Variants in SACS observed in about 807,000 individuals in gnomAD.
SACS encodes sacsin molecular chaperone, also known as sacsin.
In SACS, 197 loss-of-function variants were observed where a neutral mutation model predicts 348.0. That is an observed-to-expected ratio of 0.57 (90% CI 0.50 to 0.64). The LOEUF is 0.64. Ranked by LOEUF, SACS falls within the 30% of genes least tolerant of loss-of-function variation. The pLI, the probability that SACS is intolerant of heterozygous loss-of-function variation, is 0.00. For missense variants in SACS, 4,999 were observed against 5,360.8 expected (o/e 0.93, Z 2.11); for synonymous variants, 1,985 against 1,910.6 (o/e 1.04, Z -1.02).
In SACS at chr13:23,355,142, G is replaced by A; in HGVS notation, c.1470C>T (p.Ala490=). 1 of 1,614,162 alleles carries A rather than the reference G, an allele frequency of 6.2e-7. No individual in the cohort carries two copies. The highest frequency in any genetic ancestry group is 8.5e-7 in the Non-Finnish European group (1 of 1,180,028). The change falls in exon 8 of 10, where the codon GCC becomes GCT. Residue 490 remains alanine, a synonymous_variant. Transcript: ENST00000382292. ...TCATGACAAGAAACTCATTCCATAA[G>A]GCTGCCGGGTCTCTCCACTGGTCCA... The part of the protein sequence containing the change: ...RELDQWRDPA[A]LWNEFLVMNV...
rs1031190624 is a variant in SACS, at chr13:23,355,685, A to G, written c.927T>C (p.Phe309=). The change falls in exon 8 of 10, where the codon TTT becomes TTC. Residue 309 remains phenylalanine, a synonymous_variant. Transcript: ENST00000382292. The part of the protein sequence containing the change: ...FRADADTVLL[F]LKSVQDVSLY... Reference sequence around the variant, plus strand: ...AGGAAACATCCTGCACACTTTTCAGAAAGAGCAGCACTGTGTCTGCATCTG... The same window carrying G: ...AGGAAACATCCTGCACACTTTTCAGGAAGAGCAGCACTGTGTCTGCATCTG... 9.3e-6 allele frequency: 15 copies of G among 1,614,102 alleles called. No individual in the cohort carries two copies. The highest frequency in any genetic ancestry group is 3.3e-5 in the Admixed American group (2 of 59,996).
At chr13:23,395,292 G>A (rs1240095393) in intron 2 of SACS, among the ~76,000 whole-genome samples, 1 of 152,170 alleles carries the variant, frequency 6.6e-6, no homozygotes, top group Non-Finnish European at 1.5e-5. Context: ...AGCCCTTGAT[G>A]GCTGTATGCT....
intron 3 of SACS, among the ~76,000 whole-genome samples, chr13:23,372,081 T>G (rs1871425470): frequency 6.6e-6 from 1 of 152,226 alleles, no homozygotes; most frequent in African/African-American, 2.4e-5. Flanking sequence ...GTCACAGAAT[T>G]TGAGTTGTTT....
chr13:23,330,892 A>T lies in SACS; in HGVS notation c.12984T>A (p.Ile4328=). 1 of 1,614,058 alleles carries T rather than the reference A, an allele frequency of 6.2e-7. No homozygotes were observed. The highest frequency in any genetic ancestry group is 8.5e-7 in the Non-Finnish European group (1 of 1,180,014). ...WKLPESERKK[I]IRRLYLKWHP... Reference sequence around the variant, plus strand: ...GCCATTTCAAATACAACCGCCTAATAATCTTTTTTCGTTCCGATTCTGGAA... The same window carrying T: ...GCCATTTCAAATACAACCGCCTAATTATCTTTTTTCGTTCCGATTCTGGAA... The change falls in exon 10 of 10, where the codon ATT becomes ATA. Residue 4328 remains isoleucine (I), a synonymous_variant. Transcript: ENST00000382292.
At chr13:23,418,616 C>T (rs1361089238) in intron 1 of SACS, among the ~76,000 whole-genome samples, 1 of 152,146 alleles carries the variant, frequency 6.6e-6, no homozygotes, top group African/African-American at 2.4e-5. Context: ...AGTGATTTGC[C>T]TGCCTCAGCT....
Position 23,338,304 on chromosome 13 carries a change from C to A in SACS, c.5572G>T (p.Asp1858Tyr). 6.2e-7 allele frequency: 1 copy of A among 1,614,144 alleles called. No individual in the cohort carries two copies. The highest frequency in any genetic ancestry group is 1.1e-5 in the South Asian group (1 of 91,082). Reference protein sequence around the residue: ...AVGVQLSEIQDQKWTVKPHIG... With the variant: ...AVGVQLSEIQYQKWTVKPHIG... ...TGTGGTTTCACTGTCCACTTCTGGT[C>A]CTGGATTTCTGACAGCTGAACTCCT... The change falls in exon 10 of 10, where the codon GAC (aspartate) becomes TAC (tyrosine). Residue 1858 changes from aspartate (D) to tyrosine (Y), a missense_variant. Physicochemically the swap from Asp to Tyr is radical, Grantham distance 160 (BLOSUM62 -3). This residue lies in a region of SACS where 3,156 missense variants were observed against 3,380.1 expected (regional missense o/e 0.93). Transcript: ENST00000382292.
Position 23,330,542 on chromosome 13 carries a change from A to G in SACS, c.13334T>C (p.Val4445Ala). 3 of 1,614,122 alleles carry G rather than the reference A, an allele frequency of 1.9e-6. No individual in the cohort carries two copies. Among genetic ancestry groups the G allele is most frequent in the East Asian group, 2.2e-5 (1 of 44,886 alleles). ...PPTFKSVGNP[V>A]EARRWLRQAR... ...TTGTCTTAGCCATCTGCGTGCTTCC[A>G]CTGGATTGCCAACCGACTTGAAAGT... The change falls in exon 10 of 10, where the codon GTG (valine) becomes GCG (alanine). Residue 4445 changes from valine to alanine, a missense_variant. Coordinates refer to ENST00000382292, the MANE Select transcript of SACS (RefSeq NM_014363.6).
chr13:23,345,460 GACC>G (rs1339280411), intron 9 of SACS, among the ~76,000 whole-genome samples: 1 of 152,124 alleles, frequency 6.6e-6, no homozygotes, highest in African/African-American at 2.4e-5. Flanking sequence ...TAGCCCCAGT[GACC>G]ACATTTCTTC....
intron 6 of SACS, among the ~76,000 whole-genome samples, chr13:23,360,560 C>G (rs1416784977): frequency 6.6e-6 from 1 of 152,136 alleles, no homozygotes; most frequent in Non-Finnish European, 1.5e-5. Flanking sequence ...CACAGTCCGC[C>G]TTGCCTGAAG....
chr13:23,336,232 C>A lies in SACS; in HGVS notation c.7644G>T (p.Glu2548Asp). The A allele has an allele frequency of 6.2e-7, 1 of 1,614,040 alleles. No individual in the cohort carries two copies. Among genetic ancestry groups the A allele is most frequent in the Non-Finnish European group, 8.5e-7 (1 of 1,179,942 alleles). The change falls in exon 10 of 10, where the codon GAG (glutamate) becomes GAT (aspartate). Residue 2548 changes from glutamate to aspartate, a missense_variant. Around this residue, in one of 6 missense-constraint regions of SACS, gnomAD observed 3,156 missense variants for 3,380.1 expected, o/e 0.93. Transcript: ENST00000382292. ...TTGCATCATCAGCATTTTGAAGAAG[C>A]TCTTTCAACATTTCCTTTTCAGAAG... ...AYPSEKEMLK[E>D]LLQNADDAKA...
chr13:23,401,761 C>T (rs954923206), intron 2 of SACS, among the ~76,000 whole-genome samples: 3 of 152,190 alleles, frequency 2.0e-5, no homozygotes, highest in African/African-American at 7.2e-5. Flanking sequence ...CAATCACAGG[C>T]CGAAGTGCTT....
intron 2 of SACS, among the ~76,000 whole-genome samples, chr13:23,409,040 CTTTTT>C (rs1175897856): frequency 3.7e-4 from 13 of 35,142 alleles, no homozygotes; most frequent in East Asian, 2.6e-3. Flanking sequence ...ACAAGTTTTA[CTTTTT>C]TTTTTTTTTT....
At chr13:23,376,962 T>A (rs1871834032) in intron 2 of SACS, among the ~76,000 whole-genome samples, 1 of 152,210 alleles carries the variant, frequency 6.6e-6, no homozygotes, top group Non-Finnish European at 1.5e-5. Context: ...AAACTCATCA[T>A]AGAATTTGAT....
chr13:23,424,074 G>A (rs1027964727), intron 1 of SACS, among the ~76,000 whole-genome samples: 2 of 152,000 alleles, frequency 1.3e-5, no homozygotes, highest in African/African-American at 2.4e-5. Context: ...ACATTTCAGA[G>A]GTTATTGGGT....
At chr13:23,375,317 C>T (rs1871692029) in intron 2 of SACS, 48 bp from the exon 3 acceptor site, 18 of 1,363,754 alleles carry the variant, frequency 1.3e-5, no homozygotes, top group Non-Finnish European at 1.4e-5. Context: ...TGCCACCCGC[C>T]CGCCCAGCGC....
chr13:23,331,515 T>G lies in SACS; in HGVS notation c.12361A>C (p.Ile4121Leu), dbSNP rs773275095. The G allele has an allele frequency of 2.9e-5, 47 of 1,613,818 alleles. No homozygotes were observed. Among genetic ancestry groups the G allele is most frequent in the Non-Finnish European group, 3.5e-5 (41 of 1,179,860 alleles). Residue 4121 changes from isoleucine (I) to leucine (L), a missense_variant, in exon 10 of 10, where the codon ATT becomes CTT. Transcript: ENST00000382292. ...DNLISDTSYL[I>L]AMLGCNDIYR... ...ATATCATTGCATCCTAGCATAGCAATTAAATATGAAGTGTCAGAAATCAAA... is the reference window on the plus strand; with the variant it reads ...ATATCATTGCATCCTAGCATAGCAAGTAAATATGAAGTGTCAGAAATCAAA...
chr13:23,331,132 A>G lies in SACS; in HGVS notation c.12744T>C (p.Pro4248=), dbSNP rs369378277. 6.2e-6 allele frequency: 10 copies of G among 1,614,042 alleles called. No individual in the cohort carries two copies. In the African/African-American group the frequency reaches 1.2e-4, roughly 19 times the overall value. The change falls in exon 10 of 10, where the codon CCT becomes CCC. Residue 4248 remains proline (P), a synonymous_variant. Coordinates refer to ENST00000382292, the MANE Select transcript of SACS (RefSeq NM_014363.6). ...SSLDLYKFSR[P]EESSQSRDSA... The stretch of plus-strand genomic sequence containing the variant: ...TGTCCCTGCTTTGAGAGCTTTCCTC[A>G]GGTCTTGAAAACTTATACAGATCAA...
At chr13:23,345,673 G>A (rs1167863104) in intron 9 of SACS, among the ~76,000 whole-genome samples, 2 of 152,082 alleles carry the variant, frequency 1.3e-5, no homozygotes, top group Admixed American at 6.5e-5. Flanking sequence ...AGTAAGAACC[G>A]TGAATGATAA....
chr13:23,348,157 T>C (rs1869731934), intron 9 of SACS, among the ~76,000 whole-genome samples: 1 of 152,192 alleles, frequency 6.6e-6, no homozygotes, highest in Non-Finnish European at 1.5e-5. Context: ...AGCAACTTAA[T>C]ACAGAAATAA....
Sources: gnomAD v4.1 joint callset for allele counts (sites outside exome capture counted in the v4.1 genomes callset) on GRCh38, gnomAD v4.1.1 for gene constraint, gnomAD v4.1.1 regional missense constraint, MANE v1.5 for transcripts, NCBI Gene and HGNC (gene_info 2026-07-23, HGNC 2026-07-21) for gene names.